Variants in GPA33 observed in about 807,000 individuals in gnomAD.
GPA33 encodes the protein glycoprotein A33, also known as cell surface A33 antigen.
Under a neutral mutation model 35.6 loss-of-function variants are expected in GPA33, and 27 were observed. That is an observed-to-expected ratio of 0.76 (90% CI 0.56 to 1.04). GPA33 has a LOEUF of 1.04. Among genes scored for constraint, GPA33 ranks in the 50% least tolerant of loss-of-function variants. The pLI is 0.00. For missense variants in GPA33, 428 were observed against 411.9 expected, an observed-to-expected ratio of 1.04 and a Z score of -0.34; for synonymous variants, 176 against 164.0, an observed-to-expected ratio of 1.07 and a Z score of -0.56.
rs1294201510 is a variant in GPA33, at chr1:167,054,292, G to A, written c.*42C>T. On this transcript the variant is annotated 3_prime_UTR_variant, in exon 7 of 7. Transcript: ENST00000367868. ...AAGGGAGGCCAGGAAGCGGGAGAAT[G>A]AACCCCTAACCCTTCCTCCGCCGCC... 6.2e-7 allele frequency: 1 copy of A among 1,609,666 alleles called. No homozygotes were observed. Among genetic ancestry groups the A allele is most frequent in the Non-Finnish European group, 8.5e-7 (1 of 1,178,052 alleles).
chr1:167,087,216 A>G (rs1424469489), intron 1 of GPA33, among the ~76,000 whole-genome samples: 1 of 151,874 alleles, frequency 6.6e-6, no homozygotes, highest in Non-Finnish European at 1.5e-5. Context: ...CTGCCATCTC[A>G]GAGCTCTCGG....
rs776012221 is a variant in GPA33, at chr1:167,054,135, A to G, written c.*199T>C. ...GCCAGGAGGGGTTACTTCACAGGAC[A>G]GTGAGGTCAGCAGGATCAGCACAGG... On this transcript the variant is annotated 3_prime_UTR_variant, in exon 7 of 7. Coordinates refer to ENST00000367868, the MANE Select transcript of GPA33 (RefSeq NM_005814.3). The G allele has an allele frequency of 2.3e-5, 15 of 652,564 alleles. No homozygotes were observed. Among genetic ancestry groups the G allele is most frequent in the African/African-American group, 3.6e-5 (2 of 54,832 alleles). 40.4% of individuals were successfully genotyped at this position (652,564 alleles called of 1,614,324 possible).
At chr1:167,067,872 A>G (rs2102184708) in intron 3 of GPA33, among the ~76,000 whole-genome samples, 1 of 152,286 alleles carries the variant, frequency 6.6e-6, no homozygotes, top group East Asian at 1.9e-4. Context: ...AAAGTATGCA[A>G]GAGTGTGTGT....
intron 3 of GPA33, among the ~76,000 whole-genome samples, chr1:167,066,880 A>ACGCGTGCTGCCCCGAGG (rs1666605396): frequency 6.6e-6 from 1 of 152,124 alleles, no homozygotes; most frequent in African/African-American, 2.4e-5. Flanking sequence ...GACTGAGACC[A>ACGCGTGCTGCCCCGAGG]CGCGTGCTGC....
At chr1:167,062,533 C>A (rs889517162) in intron 4 of GPA33, among the ~76,000 whole-genome samples, 1 of 151,526 alleles carries the variant, frequency 6.6e-6, no homozygotes, top group Non-Finnish European at 1.5e-5. Flanking sequence ...CCTTGTCTTT[C>A]TTGATCCTCA....
At chr1:167,074,121 G>T (rs771034583) in intron 1 of GPA33, among the ~76,000 whole-genome samples, 6 of 149,978 alleles carry the variant, frequency 4.0e-5, no homozygotes, top group Non-Finnish European at 5.9e-5. Flanking sequence ...TCAGAACAAG[G>T]TTAGGAAAAA....
chr1:167,076,715 A>C (rs1666829280), intron 1 of GPA33, among the ~76,000 whole-genome samples: 2 of 152,102 alleles, frequency 1.3e-5, no homozygotes, highest in Admixed American at 6.5e-5. Context: ...GGAAGATGTC[A>C]AAAAAACAGG....
chr1:167,071,784 T>C (rs1666726866), intron 2 of GPA33, among the ~76,000 whole-genome samples: 1 of 152,140 alleles, frequency 6.6e-6, no homozygotes, highest in Non-Finnish European at 1.5e-5. Flanking sequence ...CTAGAAGACC[T>C]GCTAGGACCT....
intron 1 of GPA33, among the ~76,000 whole-genome samples, chr1:167,077,256 C>T (rs928852688): frequency 1.3e-5 from 2 of 152,042 alleles, no homozygotes; most frequent in Admixed American, 6.6e-5. Context: ...ACTAACAAGT[C>T]ACCCTTCATC....
chr1:167,063,961 G>A (rs1666529155), intron 3 of GPA33, among the ~76,000 whole-genome samples: 1 of 152,210 alleles, frequency 6.6e-6, no homozygotes, highest in Non-Finnish European at 1.5e-5. Flanking sequence ...ATGCTGGGAA[G>A]CATTGCGGGC....
chr1:167,068,327 T>C (rs1255237838), intron 3 of GPA33, among the ~76,000 whole-genome samples: 1 of 152,200 alleles, frequency 6.6e-6, no homozygotes, highest in African/African-American at 2.4e-5. Context: ...ATCTACAAAA[T>C]GAGGATATTA....
intron 2 of GPA33, among the ~76,000 whole-genome samples, chr1:167,070,978 A>G (rs996833127): frequency 1.3e-5 from 2 of 152,148 alleles, no homozygotes; most frequent in African/African-American, 4.8e-5. Context: ...CGTGTGGGGT[A>G]TCTGGAGTGT....
At chr1:167,056,806 T>TA (rs1281035507) in intron 4 of GPA33, among the ~76,000 whole-genome samples, 150 of 3,256 alleles carry the variant, frequency 0.046, no homozygotes, top group East Asian at 0.059. Flanking sequence ...TGTGGTGTGG[T>TA]GTGTATGTGG....
chr1:167,070,026 A>G (rs1666684056), intron 2 of GPA33, among the ~76,000 whole-genome samples: 1 of 152,198 alleles, frequency 6.6e-6, no homozygotes, highest in African/African-American at 2.4e-5. Flanking sequence ...AGAAAATATC[A>G]CTTCCAGAGT....
chr1:167,068,405 A>G (rs1666644680), intron 3 of GPA33, among the ~76,000 whole-genome samples: 1 of 152,232 alleles, frequency 6.6e-6, no homozygotes, highest in Admixed American at 6.5e-5. Context: ...TATGAAAAGA[A>G]TGTTATCTTG....
chr1:167,056,573 G>GTA (rs1433882260), intron 4 of GPA33, among the ~76,000 whole-genome samples: 10 of 31,980 alleles, frequency 3.1e-4, no homozygotes, highest in Non-Finnish European at 6.6e-4. Context: ...TGTGGTGTGT[G>GTA]TGGCATATGT....
At chr1:167,056,661 C>T (rs55697348) in intron 4 of GPA33, among the ~76,000 whole-genome samples, 53 of 1,560 alleles carry the variant, frequency 0.034, no homozygotes, top group East Asian at 0.054. Context: ...GTGTGTGGTA[C>T]GGTGAGTGTG....
chr1:167,066,811 C>A (rs971823493), intron 3 of GPA33, among the ~76,000 whole-genome samples: 2 of 152,208 alleles, frequency 1.3e-5, no homozygotes. Context: ...CAGGGGGCGC[C>A]AGAGGCCGGA....
intron 1 of GPA33, among the ~76,000 whole-genome samples, chr1:167,084,662 C>T (rs1342739906): frequency 6.6e-6 from 1 of 152,162 alleles, no homozygotes; most frequent in Non-Finnish European, 1.5e-5. Flanking sequence ...GGAGAGGCCC[C>T]TGGAGAGAGG....
Sources: allele counts gnomAD v4.1 joint callset (sites outside exome capture counted in the v4.1 genomes callset), GRCh38; gene constraint gnomAD v4.1.1; transcripts MANE v1.5; gene names NCBI Gene and HGNC (gene_info 2026-07-23, HGNC 2026-07-21).